The following WSCD1 variants were observed in gnomAD, a reference collection of about 807,000 sequenced individuals.
WSCD1 encodes the protein WSC domain sialate O sulfotransferase 1, also known as sialate:O-sulfotransferase 1.
A neutral mutation model predicts 60.4 loss-of-function variants in WSCD1; 41 were observed. The observed-to-expected ratio is 0.68, with a 90% CI of 0.53 to 0.88. WSCD1 has a LOEUF of 0.88. WSCD1 is among the 40% of genes least tolerant of loss of function. The pLI is 0.00. For synonymous variants in WSCD1, 361 were observed against 332.5 expected, an observed-to-expected ratio of 1.09 and a Z score of -0.93; for missense variants, 784 against 796.2, an observed-to-expected ratio of 0.98 and a Z score of 0.18.
In WSCD1 at chr17:6,090,375, G is replaced by T. The variant is rs749668891; in HGVS notation, c.597G>T (p.Arg199=). 6.2e-7 allele frequency: 1 copy of T among 1,609,744 alleles called. No homozygotes were observed. Among genetic ancestry groups the T allele is most frequent in the Admixed American group, 1.7e-5 (1 of 59,224 alleles). Residue 199 remains arginine (R), a synonymous_variant, in exon 4 of 9, where the codon CGG becomes CGT. Transcript: ENST00000317744. ...GGGCGGAGTGTTACTGCGGGAACCG[G>T]CTGCCAGCGGTGAGCGTGGGGCTGG... ...EAGAECYCGN[R]LPAVSVGLEE... is the part of the protein sequence containing the mutation.
At position 6,122,210 on chromosome 17, in the gene WSCD1, C is replaced by T. The variant is rs550341305; in HGVS notation, c.*1549C>T. On this transcript the variant is annotated 3_prime_UTR_variant, in exon 9 of 9. Coordinates refer to ENST00000317744, the MANE Select transcript of WSCD1 (RefSeq NM_015253.2). ...TGATGATGGGGAACCCAGAGCCACC[C>T]GCTATGAGCACAGGCCGGGGGTGGA... 3.9e-5 allele frequency: 6 copies of T among 152,384 alleles called. No homozygotes were observed. Among genetic ancestry groups the T allele is most frequent in the African/African-American group, 1.2e-4 (5 of 41,572 alleles). 9.4% of individuals were successfully genotyped at this position (152,384 alleles called of 1,614,324 possible).
intron 5 of WSCD1, among the ~76,000 whole-genome samples, chr17:6,108,859 G>A (rs746920095): frequency 1.3e-5 from 2 of 152,214 alleles, no homozygotes; most frequent in Non-Finnish European, 2.9e-5. Context: ...AGAGTGAGAC[G>A]ACTCCTCTCT....
intron 1 of WSCD1, among the ~76,000 whole-genome samples, chr17:6,071,571 C>T (rs1908546738): frequency 6.6e-6 from 1 of 152,268 alleles, no homozygotes; most frequent in Non-Finnish European, 1.5e-5. Context: ...CCGCATCCCT[C>T]TTGTTGCTGG....
At chr17:6,105,634 A>G (rs1911044174) in intron 5 of WSCD1, among the ~76,000 whole-genome samples, 1 of 152,200 alleles carries the variant, frequency 6.6e-6, no homozygotes, top group South Asian at 2.1e-4. Context: ...CGCTCTGCAA[A>G]CACCCGGAAA....
chr17:6,094,992 C>T lies in WSCD1; in HGVS notation c.728-110C>T, dbSNP rs1257161568. The T allele has an allele frequency of 6.1e-6, 9 of 1,485,348 alleles. No individual in the cohort carries two copies. The East Asian group carries it at 1.2e-4, about 19-fold the overall frequency. The allele number at this position is 1,485,348 out of a possible 1,614,324, so 92.0% of individuals were successfully genotyped here. ...TTCCCTCCCTGATTTGAACTCGCCT[C>T]GTAAGTTTATTTATACCTGTCTCAG... On this transcript the variant is annotated intron_variant, in intron 4 of 8. Transcript: ENST00000317744.
intron 7 of WSCD1, among the ~76,000 whole-genome samples, chr17:6,114,727 G>C (rs900568788): frequency 5.3e-5 from 8 of 151,906 alleles, no homozygotes; most frequent in Non-Finnish European, 8.8e-5. Context: ...AGAATGTGCA[G>C]GTTTGTTACA....
At chr17:6,083,758 G>A (rs988755199) in intron 2 of WSCD1, among the ~76,000 whole-genome samples, 5 of 152,086 alleles carry the variant, frequency 3.3e-5, no homozygotes, top group Non-Finnish European at 7.4e-5. Context: ...CAGCCTGGGC[G>A]ACAGAGCAAG....
At chr17:6,103,444 ACT>A (rs1910915258) in intron 5 of WSCD1, among the ~76,000 whole-genome samples, 1 of 151,848 alleles carries the variant, frequency 6.6e-6, no homozygotes, top group Non-Finnish European at 1.5e-5. Flanking sequence ...TGTTTCACAG[ACT>A]CTTCTGTCTG....
At chr17:6,114,222 A>G (rs983058227) in intron 7 of WSCD1, among the ~76,000 whole-genome samples, 2 of 151,602 alleles carry the variant, frequency 1.3e-5, no homozygotes, top group African/African-American at 2.4e-5. Flanking sequence ...AAGGGACATT[A>G]TGTTAAGTGA....
chr17:6,102,255 G>T (rs1288466340), intron 5 of WSCD1, among the ~76,000 whole-genome samples: 1 of 152,216 alleles, frequency 6.6e-6, no homozygotes, highest in Non-Finnish European at 1.5e-5. Flanking sequence ...TCTCAGCTGG[G>T]CAGCTGCTCT....
intron 2 of WSCD1, among the ~76,000 whole-genome samples, chr17:6,083,013 C>T (rs533964441): frequency 8.5e-5 from 13 of 152,236 alleles, no homozygotes; most frequent in South Asian, 6.2e-4. Flanking sequence ...GATTTCTCAG[C>T]AAGGCTCGTG....
rs1490882806 is a variant in WSCD1 at position 6,122,918 on chromosome 17, C to T, written c.*2257C>T. The T allele has an allele frequency of 3.9e-5, 6 of 152,266 alleles. No homozygotes were observed. Among genetic ancestry groups the T allele is most frequent in the Non-Finnish European group, 8.8e-5 (6 of 68,100 alleles). 9.4% of individuals were successfully genotyped at this position (152,266 alleles called of 1,614,324 possible). On this transcript the variant is annotated 3_prime_UTR_variant, in exon 9 of 9. Transcript: ENST00000317744. Reference sequence around the variant, plus strand: ...TCAGTCCATACAGCAAGACACCTGGCACTTGGCAGGTACTCCTGGATGTTG... The same window carrying T: ...TCAGTCCATACAGCAAGACACCTGGTACTTGGCAGGTACTCCTGGATGTTG...
chr17:6,103,125 C>T (rs979585120), intron 5 of WSCD1, among the ~76,000 whole-genome samples: 3 of 152,210 alleles, frequency 2.0e-5, no homozygotes, highest in Non-Finnish European at 2.9e-5. Context: ...TCACATAACA[C>T]AGAGCCTTAG....
chr17:6,093,569 G>A (rs1910194383), intron 4 of WSCD1, among the ~76,000 whole-genome samples: 1 of 152,184 alleles, frequency 6.6e-6, no homozygotes, highest in South Asian at 2.1e-4. Context: ...CCAGTGCCCA[G>A]TCCATTGAAA....
chr17:6,078,595 C>T (rs1401911191), intron 1 of WSCD1, among the ~76,000 whole-genome samples: 2 of 151,878 alleles, frequency 1.3e-5, no homozygotes, highest in Non-Finnish European at 2.9e-5. Flanking sequence ...TGTGTGCGTG[C>T]ATGCATGCGT....
Position 6,109,682 on chromosome 17 carries a change from G to A in WSCD1, c.925G>A (p.Ala309Thr). ...TACCCCCCGGTTCAACCTGCGGGAT[G>A]CCATGGACAGCTCAGTATGTGGCCA... ...YPTPRFNLRD[A>T]MDSSVCGQDP... The change falls in exon 6 of 9, where the codon GCC (alanine) becomes ACC (threonine). Residue 309 changes from alanine to threonine, a missense_variant. Coordinates refer to ENST00000317744, the MANE Select transcript of WSCD1 (RefSeq NM_015253.2). The A allele has an allele frequency of 1.9e-6, 3 of 1,614,184 alleles. No individual in the cohort carries two copies. The highest frequency in any genetic ancestry group is 2.5e-6 in the Non-Finnish European group (3 of 1,180,036).
chr17:6,080,906 T>C lies in WSCD1; in HGVS notation c.248T>C (p.Leu83Pro), dbSNP rs200320901. ...CCTCGAGTCAGCCCAGAGCTGCTGCTGGGTGTGGACATGCTGCAGAGCCCC... is the reference window on the plus strand; with the variant it reads ...CCTCGAGTCAGCCCAGAGCTGCTGCCGGGTGTGGACATGCTGCAGAGCCCC... ...HDPRVSPELL[L>P]GVDMLQSPLT... The change falls in exon 2 of 9, where the codon CTG becomes CCG. Residue 83 changes from leucine to proline, a missense_variant. By Grantham distance (98) the Leu-to-Pro change is moderately conservative (BLOSUM62 -3). Transcript: ENST00000317744. The surrounding 1 kb of genome is among the most constrained non-coding windows in gnomAD (Gnocchi z 6.6). 5.7e-4 allele frequency: 916 copies of C among 1,598,056 alleles called. 6 individuals carry two copies. The African/African-American group carries it at 0.01, about 18-fold the overall frequency.
rs1199863750 is a variant in WSCD1, at chr17:6,118,052, T to A, written c.1239T>A (p.Ser413Arg). ...RRTICVKTHE[S>R]GRREIEMFDS... Reference sequence around the variant, plus strand: ...CCATCTGTGTCAAAACCCACGAGAGTGGCAGGAGGGAGATTGAGATGTTTG... The same window carrying A: ...CCATCTGTGTCAAAACCCACGAGAGAGGCAGGAGGGAGATTGAGATGTTTG... Residue 413 changes from serine to arginine, a missense_variant, in exon 8 of 9, where the codon AGT becomes AGA. Physicochemically the swap from Ser to Arg is moderately radical, Grantham distance 110. Coordinates refer to ENST00000317744, the MANE Select transcript of WSCD1 (RefSeq NM_015253.2). This position sits in a 1 kb window ranked among gnomAD's most constrained non-coding sequence, Gnocchi z 5.8. The A allele has an allele frequency of 6.2e-7, 1 of 1,613,598 alleles. No homozygotes were observed.
At chr17:6,105,234 G>A (rs2057832048) in intron 5 of WSCD1, among the ~76,000 whole-genome samples, 1 of 152,194 alleles carries the variant, frequency 6.6e-6, no homozygotes, top group Non-Finnish European at 1.5e-5. Flanking sequence ...GGCTCAGGCT[G>A]TAGATGCAGG....
Sources: gnomAD v4.1 joint callset for allele counts (sites outside exome capture counted in the v4.1 genomes callset) on GRCh38, gnomAD v4.1.1 for gene constraint, Gnocchi (gnomAD v3.1) non-coding constraint, MANE v1.5 for transcripts, NCBI Gene and HGNC (gene_info 2026-07-23, HGNC 2026-07-21) for gene names.